Variants in HSD17B11 observed in about 807,000 individuals in gnomAD.
HSD17B11 encodes estradiol 17-beta-dehydrogenase 11.
In HSD17B11, 22 loss-of-function variants were observed where a neutral mutation model predicts 27.8. The observed-to-expected ratio is 0.79, with a 90% CI of 0.56 to 1.13. The LOEUF is 1.13. Among genes scored for constraint, HSD17B11 ranks in the 50% most tolerant of loss-of-function variants. HSD17B11 has a pLI of 0.00. For missense variants in HSD17B11, 314 were observed against 351.1 expected (o/e 0.89, Z 0.84); for synonymous variants, 117 against 132.8 (o/e 0.88, Z 0.82).
At chr4:87,368,186 G>A (rs1404679376) in intron 4 of HSD17B11, among the ~76,000 whole-genome samples, 9 of 152,148 alleles carry the variant, frequency 5.9e-5, no homozygotes, top group Non-Finnish European at 7.4e-5. Flanking sequence ...GTGTGGTGGC[G>A]GGCACCTGTA....
chr4:87,375,429 C>A (rs749153744), intron 2 of HSD17B11, among the ~76,000 whole-genome samples: 2 of 152,114 alleles, frequency 1.3e-5, no homozygotes, highest in Non-Finnish European at 2.9e-5. Context: ...TAAAACATTA[C>A]TTCAAAGGGT....
At position 87,391,155 on chromosome 4, in the gene HSD17B11, C is replaced by A; in HGVS notation, c.-85G>T. On this transcript the variant is annotated 5_prime_UTR_variant, in exon 1 of 7. Coordinates refer to ENST00000358290, the MANE Select transcript of HSD17B11 (RefSeq NM_016245.5). ...TTTTAGAGGGTAGCTCGATCTAACA[C>A]CAGAAAGAGTAGGGGCGAGAGCAAG... The A allele has an allele frequency of 1.0e-6, 1 of 977,784 alleles. No individual in the cohort carries two copies. The highest frequency in any genetic ancestry group is 1.5e-6 in the Non-Finnish European group (1 of 657,868). The allele number at this position is 977,784 out of a possible 1,614,324, so 60.6% of individuals were successfully genotyped here.
At chr4:87,361,836 A>G (rs1402460728) in intron 4 of HSD17B11, among the ~76,000 whole-genome samples, 2 of 152,224 alleles carry the variant, frequency 1.3e-5, no homozygotes, top group Non-Finnish European at 2.9e-5. Flanking sequence ...ATGAGATCCA[A>G]GAACCCTCTC....
At chr4:87,376,503 CAAAAAA>C (rs70957230) in intron 2 of HSD17B11, among the ~76,000 whole-genome samples, 35 of 63,188 alleles carry the variant, frequency 5.5e-4, no homozygotes, top group African/African-American at 1.5e-3. Flanking sequence ...GATTTCATCT[CAAAAAA>C]AAAAAAAAAA....
intron 2 of HSD17B11, among the ~76,000 whole-genome samples, chr4:87,376,122 A>T (rs1286753307): frequency 6.6e-6 from 1 of 152,244 alleles, no homozygotes; most frequent in Non-Finnish European, 1.5e-5. Flanking sequence ...CTATCATTAT[A>T]ATTATTTCAA....
intron 1 of HSD17B11, among the ~76,000 whole-genome samples, chr4:87,386,498 C>T (rs1000293844): frequency 3.9e-5 from 6 of 152,156 alleles, no homozygotes; most frequent in Non-Finnish European, 7.4e-5. Flanking sequence ...CCACTGCACC[C>T]GGCCGGTGCA....
chr4:87,345,518 A>T (rs1297295216), intron 5 of HSD17B11, among the ~76,000 whole-genome samples: 1 of 152,190 alleles, frequency 6.6e-6, no homozygotes, highest in Non-Finnish European at 1.5e-5. Flanking sequence ...ATGAAACTTA[A>T]AATAGGTTCT....
intron 1 of HSD17B11, chr4:87,386,758 T>C (rs1300561621): frequency 6.6e-6 from 1 of 152,216 alleles, no homozygotes; most frequent in Admixed American, 6.5e-5. Flanking sequence ...TGAAAAACTT[T>C]TTAAATTATG....
At chr4:87,372,240 C>G (rs1735730860) in intron 4 of HSD17B11, among the ~76,000 whole-genome samples, 1 of 67,992 alleles carries the variant, frequency 1.5e-5, no homozygotes, top group Non-Finnish European at 2.6e-5. Context: ...CAGACTCCGT[C>G]TCAAAAAAAA....
At chr4:87,375,319 T>G (rs1168947592) in intron 2 of HSD17B11, among the ~76,000 whole-genome samples, 1 of 152,250 alleles carries the variant, frequency 6.6e-6, no homozygotes, top group Non-Finnish European at 1.5e-5. Flanking sequence ...TAGATCTATC[T>G]TCAAGTGTAT....
At chr4:87,360,843 C>T (rs762102349) in intron 4 of HSD17B11, among the ~76,000 whole-genome samples, 1 of 152,116 alleles carries the variant, frequency 6.6e-6, no homozygotes, top group Non-Finnish European at 1.5e-5. Flanking sequence ...TAACTAGTGG[C>T]ACGTATGTGC....
At chr4:87,363,608 G>A (rs1385094341) in intron 4 of HSD17B11, among the ~76,000 whole-genome samples, 1 of 152,086 alleles carries the variant, frequency 6.6e-6, no homozygotes, top group Non-Finnish European at 1.5e-5. Context: ...CCTTCTCTTG[G>A]GCTCTGTCTT....
intron 4 of HSD17B11, among the ~76,000 whole-genome samples, chr4:87,363,596 T>C (rs1215313693): frequency 6.6e-6 from 1 of 152,224 alleles, no homozygotes; most frequent in Non-Finnish European, 1.5e-5. Flanking sequence ...CGCATGGCAG[T>C]ACCTTCTCTT....
chr4:87,346,369 C>T (rs1027019755), intron 5 of HSD17B11, among the ~76,000 whole-genome samples: 1 of 152,114 alleles, frequency 6.6e-6, no homozygotes, highest in Non-Finnish European at 1.5e-5. Context: ...AAAGGATGGG[C>T]CGGGTGCGGT....
intron 1 of HSD17B11, among the ~76,000 whole-genome samples, chr4:87,389,105 C>T (rs1488586584): frequency 2.0e-5 from 3 of 152,192 alleles, no homozygotes; most frequent in Non-Finnish European, 4.4e-5. Context: ...AAAACGAAAG[C>T]TCAGATGTGT....
chr4:87,337,365 T>A lies in HSD17B11; in HGVS notation c.814A>T (p.Ile272Phe), dbSNP rs1365056895. The A allele has an allele frequency of 1.2e-5, 18 of 1,541,406 alleles. 1 individual carries two copies. Among genetic ancestry groups the A allele is most frequent in the Non-Finnish European group, 1.5e-5 (17 of 1,118,598 alleles). ...ACTGCCAGGAAACGCTCAGGAAGGA[T>A]CCTAAAAGAAAGATATATGCAAATA... ...SIAFLTTLER[I>F]LPERFLAVLK... The change falls in exon 7 of 7, where the codon ATC becomes TTC. Residue 272 changes from isoleucine (I) to phenylalanine (F), a missense_variant and splice_region_variant. By Grantham distance (21) the Ile-to-Phe change is conservative. Transcript: ENST00000358290.
intron 2 of HSD17B11, among the ~76,000 whole-genome samples, chr4:87,378,856 AAATATATATAAAT>A (rs1423113855): frequency 0.012 from 272 of 22,216 alleles, 15 homozygotes; most frequent in African/African-American, 0.041. Flanking sequence ...ATATATATAT[AAATATATATAAAT>A]ATATATATAT....
intron 3 of HSD17B11, among the ~76,000 whole-genome samples, chr4:87,373,485 G>A (rs187691234): frequency 3.9e-5 from 6 of 152,174 alleles, no homozygotes; most frequent in Admixed American, 2.0e-4. Flanking sequence ...TGAGGCAGAA[G>A]GATCACTCGA....
At chr4:87,382,435 A>T in intron 1 of HSD17B11, 73 bp from the exon 2 acceptor site, 1 of 940,608 alleles carries the variant, frequency 1.1e-6, no homozygotes, top group Non-Finnish European at 1.7e-6. Flanking sequence ...AAAATAATTA[A>T]AAATAATTTT....
Sources: gnomAD v4.1 joint callset for allele counts (sites outside exome capture counted in the v4.1 genomes callset) on GRCh38, gnomAD v4.1.1 for gene constraint, MANE v1.5 for transcripts, NCBI Gene and HGNC (gene_info 2026-07-23, HGNC 2026-07-21) for gene names.